DRC8: variants seen among roughly 807,000 people sequenced by gnomAD.
The protein encoded by DRC8 is dynein regulatory complex protein 8.
the DRC8 span, chr1:244,970,162 TGGAGGGACAAG>T: frequency 1.4e-6 from 1 of 699,686 alleles, no homozygotes; most frequent in Non-Finnish European, 2.6e-6. Context: ...GCCTCGGGTC[TGGAGGGACAAG>T]GCCGGGGGCC....
At chr1:244,986,074 G>C in the DRC8 span, among the ~76,000 whole-genome samples, 1 of 151,406 alleles carries the variant, frequency 6.6e-6, no homozygotes, top group East Asian at 2.0e-4. Flanking sequence ...TTATGCCTCA[G>C]CCTCCCGAGT....
At chr1:245,002,320 T>A in the DRC8 span, 1 of 1,054,922 alleles carries the variant, frequency 9.5e-7, no homozygotes, top group Non-Finnish European at 1.4e-6. Flanking sequence ...CCAGTTAAGT[T>A]ATCCTCATTG....
At chr1:245,037,084 A>C in the DRC8 span, among the ~76,000 whole-genome samples, 378 of 152,364 alleles carry the variant, frequency 2.5e-3, 6 homozygotes, top group South Asian at 0.011. Context: ...GCTTCAATCC[A>C]GATAGTTTCA....
the DRC8 span, among the ~76,000 whole-genome samples, chr1:245,088,438 A>C: frequency 6.6e-6 from 1 of 152,120 alleles, no homozygotes; most frequent in East Asian, 1.9e-4. This position sits in a 1 kb window ranked among gnomAD's most constrained non-coding sequence, Gnocchi z 4.6. Context: ...TTCCTCAGGC[A>C]TGTAGTCTTG....
chr1:245,023,285 C>T, the DRC8 span, among the ~76,000 whole-genome samples: 1 of 152,118 alleles, frequency 6.6e-6, no homozygotes, highest in Admixed American at 6.6e-5. Flanking sequence ...TATTGATGGA[C>T]ATTTGGGTTG....
the DRC8 span, among the ~76,000 whole-genome samples, chr1:245,084,543 A>C: frequency 6.6e-6 from 1 of 152,200 alleles, no homozygotes; most frequent in Non-Finnish European, 1.5e-5. Context: ...ACTTATATAT[A>C]TATGCCAACA....
the DRC8 span, among the ~76,000 whole-genome samples, chr1:245,102,597 G>A: frequency 4.6e-5 from 7 of 151,882 alleles, no homozygotes; most frequent in African/African-American, 1.5e-4. Flanking sequence ...TGATCCACCC[G>A]CCTTGGCCTC....
the DRC8 span, among the ~76,000 whole-genome samples, chr1:245,073,064 C>T: frequency 1.3e-5 from 2 of 152,168 alleles, no homozygotes; most frequent in African/African-American, 4.8e-5. Flanking sequence ...CAGCCTAATA[C>T]AAAGAATTAA....
the DRC8 span, among the ~76,000 whole-genome samples, chr1:245,096,655 A>G: frequency 3.3e-5 from 5 of 152,224 alleles, 1 homozygote; most frequent in African/African-American, 1.2e-4. Context: ...TGTGGGACTC[A>G]CAGAGGACTT....
chr1:245,097,877 T>C, the DRC8 span, among the ~76,000 whole-genome samples: 22 of 152,116 alleles, frequency 1.4e-4, no homozygotes, highest in African/African-American at 5.1e-4. The surrounding 1 kb of genome is among the most constrained non-coding windows in gnomAD (Gnocchi z 5.0). Context: ...CCCAGGCCTT[T>C]GTGGCCTGAG....
the DRC8 span, chr1:245,002,162 A>T: frequency 3.1e-6 from 5 of 1,609,960 alleles, no homozygotes; most frequent in Middle Eastern, 3.3e-4. Flanking sequence ...CTCGGACTTT[A>T]CTGATCGAAC....
At chr1:245,080,088 T>C in the DRC8 span, among the ~76,000 whole-genome samples, 1 of 152,176 alleles carries the variant, frequency 6.6e-6, no homozygotes. Context: ...CATTAAAAAA[T>C]AGGAGTCATT....
the DRC8 span, among the ~76,000 whole-genome samples, chr1:245,110,498 A>G: frequency 3.3e-5 from 5 of 152,242 alleles, no homozygotes; most frequent in African/African-American, 1.2e-4. Context: ...TAAATAAGAC[A>G]GGACCTAGTT....
At chr1:245,047,974 CAAAAA>C in the DRC8 span, among the ~76,000 whole-genome samples, 1 of 102,824 alleles carries the variant, frequency 9.7e-6, no homozygotes, top group African/African-American at 3.6e-5. Flanking sequence ...GACTCTGTCT[CAAAAA>C]AAAAAAAAAA....
At chr1:245,080,365 G>A in the DRC8 span, among the ~76,000 whole-genome samples, 7 of 152,186 alleles carry the variant, frequency 4.6e-5, no homozygotes, top group Admixed American at 4.6e-4. Context: ...AGTGCTAAGT[G>A]CCAAACATTC....
chr1:245,115,049 T>C, the DRC8 span, among the ~76,000 whole-genome samples: 1 of 151,714 alleles, frequency 6.6e-6, no homozygotes, highest in Non-Finnish European at 1.5e-5. Context: ...TATTTTATTA[T>C]TTATTCATTT....
the DRC8 span, among the ~76,000 whole-genome samples, chr1:245,000,645 G>A: frequency 1.3e-5 from 2 of 152,212 alleles, no homozygotes; most frequent in East Asian, 3.9e-4. Flanking sequence ...GCTGGGCATG[G>A]TTGCAGGTGT....
At chr1:245,049,405 C>T in the DRC8 span, among the ~76,000 whole-genome samples, 2 of 152,194 alleles carry the variant, frequency 1.3e-5, no homozygotes, top group African/African-American at 4.8e-5. This position sits in a 1 kb window ranked among gnomAD's most constrained non-coding sequence, Gnocchi z 4.5. Context: ...GCTCATTCCT[C>T]TGCTTCTTGC....
the DRC8 span, chr1:245,123,542 C>G: frequency 3.7e-3 from 574 of 156,448 alleles, 3 homozygotes; most frequent in Non-Finnish European, 6.4e-3. This position sits in a 1 kb window ranked among gnomAD's most constrained non-coding sequence, Gnocchi z 5.0. Context: ...CCTGTTGTAG[C>G]TGACTACAGT....
Sources: gnomAD v4.1 joint callset for allele counts (sites outside exome capture counted in the v4.1 genomes callset) on GRCh38, gnomAD v4.1.1 for gene constraint, Gnocchi (gnomAD v3.1) non-coding constraint, MANE v1.5 for transcripts, NCBI Gene and HGNC (gene_info 2026-07-23, HGNC 2026-07-21) for gene names.